ZC3H14: variants seen among roughly 807,000 people sequenced by gnomAD.
ZC3H14 encodes zinc finger CCCH domain-containing protein 14.
ZC3H14 carries 31 observed loss-of-function variants against 92.4 expected under a neutral mutation model. That is an observed-to-expected ratio of 0.34 (90% confidence interval 0.25 to 0.45). The LOEUF (loss-of-function observed/expected upper bound fraction) is 0.45, where lower values mean the gene tolerates loss of function less well. ZC3H14 is among the 20% of genes least tolerant of loss of function. The probability of loss-of-function intolerance (pLI) is 1.00; values close to 1 mark genes in which losing one functional copy is unlikely to be tolerated. For synonymous variants in ZC3H14, 321 were observed against 300.9 expected (o/e 1.07, Z -0.69); for missense variants, 781 against 897.3 (o/e 0.87, Z 1.66).
chr14:88,577,866 G>A lies in ZC3H14; in HGVS notation c.1124-119G>A, dbSNP rs552006494. The stretch of plus-strand genomic sequence containing the variant: ...TTACAGGCATGAGCCACTGCGCCCA[G>A]CCTGAACTCATATGTCCTAAACCAA... On this transcript the variant is annotated intron_variant, in intron 8 of 16. Coordinates refer to ENST00000251038, the MANE Select transcript of ZC3H14 (RefSeq NM_024824.5). 8.7e-5 allele frequency: 118 copies of A among 1,359,090 alleles called. No homozygotes were observed. In the South Asian group the frequency reaches 1.4e-3, roughly 16 times the overall value. 84.2% of individuals were successfully genotyped at this position (1,359,090 alleles called of 1,614,324 possible).
rs1254408165 is a variant in ZC3H14 at position 88,609,341 on chromosome 14, C to A, written c.1943C>A (p.Thr648Asn). The A allele has an allele frequency of 1.2e-6, 2 of 1,613,866 alleles. No individual in the cohort carries two copies. The highest frequency in any genetic ancestry group is 1.7e-6 in the Non-Finnish European group (2 of 1,179,974). Reference protein sequence around the residue: ...HPNCKYDAKCTKPDCPFTHVS... With the variant: ...HPNCKYDAKCNKPDCPFTHVS... ...AATTGTAAATATGATGCAAAGTGTA[C>A]TAAACCAGATTGTCCCTTCACTCAT... is the stretch of plus-strand genomic sequence containing the variant. Residue 648 changes from threonine to asparagine, a missense_variant, in exon 14 of 17, where the codon ACT becomes AAT. Around this residue, in one of 3 missense-constraint regions of ZC3H14, gnomAD observed 221 missense variants for 304.7 expected, o/e 0.73. Transcript: ENST00000251038.
chr14:88,625,184 A>G lies in ZC3H14; in HGVS notation c.*13433A>G, dbSNP rs1335542137. On this transcript the variant is annotated 3_prime_UTR_variant, in exon 17 of 17. Transcript: ENST00000251038. ...TCATCAAAAGTTCAAATAGAGTTTAAATAGATAATTTTCTATGTATGTGTA... is the reference window on the plus strand; with the variant it reads ...TCATCAAAAGTTCAAATAGAGTTTAGATAGATAATTTTCTATGTATGTGTA... The G allele has an allele frequency of 1.9e-6, 3 of 1,581,904 alleles. No homozygotes were observed. Among genetic ancestry groups the G allele is most frequent in the African/African-American group, 1.3e-5 (1 of 74,222 alleles).
chr14:88,594,132 G>A (rs1024255369), intron 9 of ZC3H14, among the ~76,000 whole-genome samples: 3 of 152,068 alleles, frequency 2.0e-5, no homozygotes, highest in Non-Finnish European at 4.4e-5. Flanking sequence ...TCTCAATAAT[G>A]TTATATACTA....
Position 88,621,096 on chromosome 14 carries a change from A to C in ZC3H14, c.*9345A>C. The C allele has an allele frequency of 6.2e-7, 1 of 1,601,710 alleles. No individual in the cohort carries two copies. The highest frequency in any genetic ancestry group is 8.5e-7 in the Non-Finnish European group (1 of 1,174,712). ...TTAGAAGTTGTAACCTCTTTTAAAA[A>C]AATTATCTGTACTTACTTTATCAGC... On this transcript the variant is annotated 3_prime_UTR_variant, in exon 17 of 17. Transcript: ENST00000251038.
rs2080593467 is a variant in ZC3H14, at chr14:88,572,720, A to T, written c.574A>T (p.Asn192Tyr). 10 of 1,614,178 alleles carry T rather than the reference A, an allele frequency of 6.2e-6. No individual in the cohort carries two copies. The highest frequency in any genetic ancestry group is 8.5e-6 in the Non-Finnish European group (10 of 1,180,048). ...IDEDLNFVQE[N>Y]PLSQKKPTVT... ...CGAAGACCTCAACTTTGTGCAGGAG[A>T]ATCCCTTATCTCAGAAAAAACCTAC... Residue 192 changes from asparagine (N) to tyrosine (Y), a missense_variant, in exon 6 of 17, where the codon AAT becomes TAT. By Grantham distance (143) the Asn-to-Tyr change is moderately radical. This residue lies in a region of ZC3H14 where 454 missense variants were observed against 438.5 expected (regional missense o/e 1.04). Transcript: ENST00000251038.
At chr14:88,600,945 C>T (rs546901265) in intron 10 of ZC3H14, among the ~76,000 whole-genome samples, 2 of 152,180 alleles carry the variant, frequency 1.3e-5, no homozygotes, top group East Asian at 3.9e-4. Context: ...GTGCGTTTTC[C>T]TCTGCCTGAA....
rs1212691466 is a variant in ZC3H14 at position 88,567,910 on chromosome 14, G to A, written c.80-129G>A. ...AAAAAAATTAAAGCTAAGCCATCTT[G>A]TCCAATGTAATTCCAGTAGAGCTCT... On this transcript the variant is annotated intron_variant, in intron 2 of 16. Transcript: ENST00000251038. 3.9e-6 allele frequency: 3 copies of A among 759,566 alleles called. No homozygotes were observed. The African/African-American group carries it at 5.2e-5, about 13-fold the overall frequency. The allele number at this position is 759,566 out of a possible 1,614,324, so 47.1% of individuals were successfully genotyped here.
chr14:88,571,755 A>G (rs1394306857), intron 4 of ZC3H14, among the ~76,000 whole-genome samples: 1 of 152,142 alleles, frequency 6.6e-6, no homozygotes, highest in Non-Finnish European at 1.5e-5. Context: ...GGCTCAGGAG[A>G]TGGAGACCAT....
chr14:88,578,452 A>G (rs1194489999), intron 9 of ZC3H14, among the ~76,000 whole-genome samples: 3 of 152,170 alleles, frequency 2.0e-5, no homozygotes, highest in Non-Finnish European at 4.4e-5. Context: ...AGCCCTTTCT[A>G]GAAATTTTTG....
At chr14:88,586,774 C>T (rs1184397261) in intron 9 of ZC3H14, 1 of 152,024 alleles carries the variant, frequency 6.6e-6, no homozygotes, top group African/African-American at 2.4e-5. Flanking sequence ...GAAAGCATAT[C>T]AATGTAATAT....
chr14:88,591,967 A>G (rs903783484), intron 9 of ZC3H14: 1 of 152,236 alleles, frequency 6.6e-6, no homozygotes, highest in African/African-American at 2.4e-5. Context: ...AATGAAGAAT[A>G]ACGGTAGCAT....
At chr14:88,568,787 G>C (rs980061092) in intron 3 of ZC3H14, among the ~76,000 whole-genome samples, 2 of 152,130 alleles carry the variant, frequency 1.3e-5, no homozygotes, top group African/African-American at 4.8e-5. Context: ...GGATCAAATG[G>C]GCTAATATGT....
chr14:88,609,838 A>G, intron 15 of ZC3H14, 35 bp downstream of exon 15: 1 of 1,590,012 alleles, frequency 6.3e-7, no homozygotes, highest in Non-Finnish European at 8.6e-7. Context: ...CAATTTAGTG[A>G]CAACATCTCA....
chr14:88,611,335 T>C (rs978743743), intron 16 of ZC3H14, among the ~76,000 whole-genome samples: 2 of 152,096 alleles, frequency 1.3e-5, no homozygotes, highest in East Asian at 1.9e-4. Flanking sequence ...TGAAGCGATA[T>C]CCTTCCACCG....
intron 15 of ZC3H14, among the ~76,000 whole-genome samples, chr14:88,610,015 T>TG (rs1293765969): frequency 6.6e-6 from 1 of 152,070 alleles, no homozygotes; most frequent in Admixed American, 6.6e-5. Flanking sequence ...AAGCACTCAG[T>TG]GGGGGGAAGC....
chr14:88,625,070 T>C lies in ZC3H14; in HGVS notation c.*13319T>C, dbSNP rs750140920. ...GCTCTCGCCACGATTCTACACAATATGTGATCTTTCCACACACAGACATCA... is the reference window on the plus strand; with the variant it reads ...GCTCTCGCCACGATTCTACACAATACGTGATCTTTCCACACACAGACATCA... On this transcript the variant is annotated 3_prime_UTR_variant, in exon 17 of 17. Coordinates refer to ENST00000251038, the MANE Select transcript of ZC3H14 (RefSeq NM_024824.5). The C allele has an allele frequency of 2.5e-6, 4 of 1,613,810 alleles. No homozygotes were observed. The South Asian group carries it at 4.4e-5, about 18-fold the overall frequency.
At position 88,571,211 on chromosome 14, in the gene ZC3H14, C is replaced by A. The variant is rs548695328; in HGVS notation, c.235+87C>A. ...TAAAGTCATAGTGCTTTGGGAAAAA[C>A]CCATCAATTTCAAAACGGTTCATTT... On this transcript the variant is annotated intron_variant, in intron 4 of 16. Coordinates refer to ENST00000251038, the MANE Select transcript of ZC3H14 (RefSeq NM_024824.5). 5.0e-5 allele frequency: 61 copies of A among 1,218,456 alleles called. No individual in the cohort carries two copies. The African/African-American group carries it at 7.9e-4, about 16-fold the overall frequency. The allele number at this position is 1,218,456 out of a possible 1,614,324, so 75.5% of individuals were successfully genotyped here.
At chr14:88,571,445 G>T (rs1040455746) in intron 4 of ZC3H14, among the ~76,000 whole-genome samples, 1 of 152,050 alleles carries the variant, frequency 6.6e-6, no homozygotes, top group African/African-American at 2.4e-5. Flanking sequence ...CGAAATTGTT[G>T]TATTACCATG....
chr14:88,616,341 G>GAGT lies in ZC3H14; in HGVS notation c.*4593_*4595dup. ...ATCTCTATGACAAGAGCTGTGGAGA[G>GAGT]AGTAGGGAGTTAGCACCGCAGCCAG... On this transcript the variant is annotated 3_prime_UTR_variant, in exon 17 of 17. Coordinates refer to ENST00000251038, the MANE Select transcript of ZC3H14 (RefSeq NM_024824.5). 2 of 1,183,350 alleles carry GAGT rather than the reference G, an allele frequency of 1.7e-6. No homozygotes were observed. Among genetic ancestry groups the GAGT allele is most frequent in the Non-Finnish European group, 2.5e-6 (2 of 799,938 alleles). The allele number at this position is 1,183,350 out of a possible 1,614,324, so 73.3% of individuals were successfully genotyped here.
Sources: allele counts gnomAD v4.1 joint callset (sites outside exome capture counted in the v4.1 genomes callset), GRCh38; gene constraint gnomAD v4.1.1; regional missense constraint gnomAD v4.1.1; transcripts MANE v1.5; gene names NCBI Gene and HGNC (gene_info 2026-07-23, HGNC 2026-07-21).